Variants in ADAM32 observed in about 807,000 individuals in gnomAD.
The protein encoded by ADAM32 is ADAM metallopeptidase domain 32, also known as disintegrin and metalloproteinase domain-containing protein 32.
ADAM32 carries 89 observed loss-of-function variants against 114.9 expected under a neutral mutation model. That is an observed-to-expected ratio of 0.77 (90% CI 0.65 to 0.92). ADAM32 has a LOEUF of 0.92. Among genes scored for constraint, ADAM32 ranks in the 40% least tolerant of loss-of-function variants. ADAM32 has a pLI of 0.00. For synonymous variants in ADAM32, 285 were observed against 307.5 expected, an observed-to-expected ratio of 0.93 and a Z score of 0.77; for missense variants, 870 against 932.8, an observed-to-expected ratio of 0.93 and a Z score of 0.88.
chr8:39,172,976 C>T (rs1404364192), intron 10 of ADAM32, among the ~76,000 whole-genome samples: 2 of 152,146 alleles, frequency 1.3e-5, no homozygotes, highest in Non-Finnish European at 2.9e-5. Flanking sequence ...AAACATGTTC[C>T]AGGCCGGCCG....
intron 6 of ADAM32, chr8:39,157,617 C>A: frequency 1.7e-6 from 1 of 572,108 alleles, no homozygotes; most frequent in South Asian, 1.5e-5. Flanking sequence ...TGGAAGCGGC[C>A]ATGGCCAAAT....
At chr8:39,233,511 AT>A (rs1438650318) in intron 15 of ADAM32, among the ~76,000 whole-genome samples, 1 of 152,162 alleles carries the variant, frequency 6.6e-6, no homozygotes, top group Non-Finnish European at 1.5e-5. Context: ...TTTTGGTAAA[AT>A]TTGACTGGCC....
In ADAM32 at chr8:39,284,869, C is replaced by T. The variant is rs989121434; in HGVS notation, c.*70C>T. 1.0e-5 allele frequency: 16 copies of T among 1,568,626 alleles called. No homozygotes were observed. Among genetic ancestry groups the T allele is most frequent in the Admixed American group, 6.8e-5 (4 of 59,070 alleles). On this transcript the variant is annotated 3_prime_UTR_variant, in exon 25 of 25. Transcript: ENST00000379907. ...GAAATGAAAATTCTGTCTTTCCTTC[C>T]GTGGTCACAGCTGAAAGAAACAATA...
intron 9 of ADAM32, chr8:39,165,574 C>A (rs1481192369): frequency 6.5e-6 from 1 of 154,918 alleles, no homozygotes; most frequent in African/African-American, 2.4e-5. Flanking sequence ...AAGCTTTGAC[C>A]AAAGACTTGG....
intron 12 of ADAM32, among the ~76,000 whole-genome samples, chr8:39,212,422 A>G (rs1341825003): frequency 6.6e-6 from 1 of 152,174 alleles, no homozygotes; most frequent in Non-Finnish European, 1.5e-5. Context: ...GTATATAACT[A>G]TTGGTAAAAT....
chr8:39,282,692 T>A (rs1813493135), intron 23 of ADAM32, among the ~76,000 whole-genome samples: 1 of 152,232 alleles, frequency 6.6e-6, no homozygotes, highest in African/African-American at 2.4e-5. Context: ...ATTTTTAGTA[T>A]TTTTGTTGCC....
chr8:39,230,373 G>A (rs533529609), intron 14 of ADAM32, among the ~76,000 whole-genome samples: 1 of 152,296 alleles, frequency 6.6e-6, no homozygotes, highest in South Asian at 2.1e-4. Context: ...AAATTAATGA[G>A]AGGGGGTTAT....
At chr8:39,204,305 A>G (rs945971904) in intron 11 of ADAM32, among the ~76,000 whole-genome samples, 3 of 152,306 alleles carry the variant, frequency 2.0e-5, no homozygotes, top group East Asian at 1.9e-4. Context: ...ACATAGTCCC[A>G]TATTTCTTGG....
intron 10 of ADAM32, among the ~76,000 whole-genome samples, chr8:39,182,002 C>G (rs970314148): frequency 6.6e-6 from 1 of 152,152 alleles, no homozygotes; most frequent in African/African-American, 2.4e-5. Context: ...TATACTTACA[C>G]TTTTACAAAG....
intron 9 of ADAM32, chr8:39,169,085 G>A (rs1435711958): frequency 6.6e-6 from 1 of 152,222 alleles, no homozygotes; most frequent in South Asian, 2.1e-4. Context: ...GAGGCAGTGC[G>A]ATTGTGAAGT....
intron 10 of ADAM32, among the ~76,000 whole-genome samples, chr8:39,184,823 T>C (rs1475149016): frequency 6.6e-6 from 1 of 152,238 alleles, no homozygotes. Flanking sequence ...TATATTTTAT[T>C]TTTAGGGTCC....
At chr8:39,223,378 A>G in intron 14 of ADAM32, 140 bp downstream of exon 14, 1 of 401,088 alleles carries the variant, frequency 2.5e-6, no homozygotes, top group Non-Finnish European at 4.1e-6. Context: ...TATATATTTT[A>G]TTATATATAT....
At chr8:39,232,347 A>G (rs1809797399) in intron 15 of ADAM32, among the ~76,000 whole-genome samples, 1 of 152,110 alleles carries the variant, frequency 6.6e-6, no homozygotes, top group Non-Finnish European at 1.5e-5. Flanking sequence ...AATGGCCATT[A>G]TGTTTCTAAA....
upstream of ADAM32, chr8:39,107,692 G>A (rs373313015): frequency 2.9e-4 from 443 of 1,543,712 alleles, no homozygotes; most frequent in African/African-American, 5.4e-3. Flanking sequence ...TGCGGGGAGC[G>A]GCCCCCGGCG....
chr8:39,141,804 A>G (rs1803171882), intron 3 of ADAM32, among the ~76,000 whole-genome samples: 1 of 151,990 alleles, frequency 6.6e-6, no homozygotes, highest in African/African-American at 2.4e-5. Context: ...AAAGTCTCCC[A>G]TTATTATTGT....
rs746880485 is a variant in ADAM32, at chr8:39,233,952, A to T, written c.1688A>T (p.His563Leu). 3 of 1,592,692 alleles carry T rather than the reference A, an allele frequency of 1.9e-6. No individual in the cohort carries two copies. The highest frequency in any genetic ancestry group is 2.3e-5 in the South Asian group (2 of 86,328). The change falls in exon 16 of 25, where the codon CAT (histidine) becomes CTT (leucine). Residue 563 changes from histidine to leucine, a missense_variant. Coordinates refer to ENST00000379907, the MANE Select transcript of ADAM32 (RefSeq NM_145004.7). ...VCTYPTRKPF[H>L]QENGDVIYAF... The stretch of plus-strand genomic sequence containing the variant: ...ACCTACCCTACTCGAAAGCCTTTCC[A>T]TCAAGAAAATGGTGATGTGATTTAT...
At chr8:39,224,812 A>G (rs549792046) in intron 14 of ADAM32, among the ~76,000 whole-genome samples, 46 of 152,316 alleles carry the variant, frequency 3.0e-4, no homozygotes, top group African/African-American at 1.0e-3. Flanking sequence ...GAAGGATAAT[A>G]GTCTTGTGAA....
At chr8:39,224,772 A>G (rs1442673552) in intron 14 of ADAM32, among the ~76,000 whole-genome samples, 3 of 152,092 alleles carry the variant, frequency 2.0e-5, no homozygotes, top group African/African-American at 7.2e-5. Flanking sequence ...TCATCCCCTC[A>G]CAAAAAACAA....
Position 39,275,885 on chromosome 8 carries a change from A to T in ADAM32, c.2279+19A>T. The T allele has an allele frequency of 2.0e-6, 3 of 1,535,818 alleles. No individual in the cohort carries two copies. The highest frequency in any genetic ancestry group is 1.2e-5 in the South Asian group (1 of 80,004). On this transcript the variant is annotated intron_variant, in intron 22 of 24. Coordinates refer to ENST00000379907, the MANE Select transcript of ADAM32 (RefSeq NM_145004.7). ...CTAGCAAGTAAGTGAATTAGGGGGCATTTTTTTTATATAATAAGTATATGT... is the reference window on the plus strand; with the variant it reads ...CTAGCAAGTAAGTGAATTAGGGGGCTTTTTTTTTATATAATAAGTATATGT...
Sources: gnomAD v4.1 joint callset for allele counts (sites outside exome capture counted in the v4.1 genomes callset) on GRCh38, gnomAD v4.1.1 for gene constraint, MANE v1.5 for transcripts, NCBI Gene and HGNC (gene_info 2026-07-23, HGNC 2026-07-21) for gene names.